Variants in SEC14L2 observed in about 807,000 individuals in gnomAD.
SEC14L2 encodes the protein SEC14-like protein 2.
Under a neutral mutation model 56.9 loss-of-function variants are expected in SEC14L2, and 50 were observed. The observed-to-expected ratio is 0.88, with a 90% CI of 0.70 to 1.11. The LOEUF (loss-of-function observed/expected upper bound fraction) is 1.11. Ranked by LOEUF, SEC14L2 falls within the 50% of genes most tolerant of loss-of-function variation. SEC14L2 has a pLI of 0.00. For missense variants in SEC14L2, 414 were observed against 500.7 expected (o/e 0.83, Z 1.65); for synonymous variants, 179 against 188.5 (o/e 0.95, Z 0.41).
At chr22:30,398,648 C>G (rs1252447880) in intron 1 of SEC14L2, 2 of 465,368 alleles carry the variant, frequency 4.3e-6, no homozygotes, top group Admixed American at 4.7e-5. Context: ...GCCCACCTCT[C>G]TCCCCCGCTG....
chr22:30,399,408 G>A (rs760687345), intron 1 of SEC14L2, among the ~76,000 whole-genome samples: 12 of 150,848 alleles, frequency 8.0e-5, no homozygotes, highest in Non-Finnish European at 1.5e-4. Flanking sequence ...CCAGCTACTT[G>A]GGAGGCTGAG....
At chr22:30,409,342 C>T in intron 6 of SEC14L2, 60 bp downstream of exon 6, 1 of 1,602,472 alleles carries the variant, frequency 6.2e-7, no homozygotes, top group African/African-American at 1.3e-5. Flanking sequence ...GTAGACCCCT[C>T]TCCTAGGCTG....
chr22:30,411,483 T>C (rs948531433), intron 8 of SEC14L2, among the ~76,000 whole-genome samples: 1 of 152,012 alleles, frequency 6.6e-6, no homozygotes, highest in African/African-American at 2.4e-5. Context: ...CGGTGGCTCA[T>C]GCCTGTAATC....
chr22:30,410,645 T>C lies in SEC14L2; in HGVS notation c.630T>C (p.Ser210=), dbSNP rs1214993019. Residue 210 remains serine (S), a synonymous_variant, in exon 8 of 12, where the codon AGT becomes AGC. Transcript: ENST00000615189. ...VAYNLIKPFL[S]EDTRKKIMVL... Reference sequence around the variant, plus strand: ...ATAACCTCATCAAACCCTTCCTGAGTGAGGACACTCGTAAGAAGATCATGG... The same window carrying C: ...ATAACCTCATCAAACCCTTCCTGAGCGAGGACACTCGTAAGAAGATCATGG... 1.9e-6 allele frequency: 3 copies of C among 1,614,056 alleles called. No individual in the cohort carries two copies. Among genetic ancestry groups the C allele is most frequent in the East Asian group, 4.5e-5 (2 of 44,894 alleles).
At chr22:30,412,837 AAACAAAAAAAC>A (rs1934287225) in intron 8 of SEC14L2, among the ~76,000 whole-genome samples, 5 of 129,906 alleles carry the variant, frequency 3.8e-5, no homozygotes, top group African/African-American at 1.2e-4. Flanking sequence ...AAAAAAAAAC[AAACAAAAAAAC>A]AAAAAAAAAA....
intron 2 of SEC14L2, among the ~76,000 whole-genome samples, chr22:30,403,991 C>A (rs1601773019): frequency 9.0e-6 from 1 of 110,856 alleles, no homozygotes; most frequent in East Asian, 2.8e-4. Context: ...GCCTGGGCGA[C>A]AGAGCGAGAC....
In SEC14L2 at chr22:30,415,959, G is replaced by A. The variant is rs773889036; in HGVS notation, c.783G>A (p.Gly261=). ...NPKCKSKINY[G]GDIPRKYYVR... is the part of the protein sequence containing the mutation. ...TGCCATGCTTCTAGATCAACTACGGGGGTGACATCCCCAGGAAGTATTATG... is the reference window on the plus strand; with the variant it reads ...TGCCATGCTTCTAGATCAACTACGGAGGTGACATCCCCAGGAAGTATTATG... Residue 261 remains glycine (G), a synonymous_variant, in exon 10 of 12, where the codon GGG becomes GGA. Coordinates refer to ENST00000615189, the MANE Select transcript of SEC14L2 (RefSeq NM_012429.5). 1 of 1,614,050 alleles carries A rather than the reference G, an allele frequency of 6.2e-7. No individual in the cohort carries two copies. The highest frequency in any genetic ancestry group is 1.3e-5 in the African/African-American group (1 of 74,914).
At position 30,416,770 on chromosome 22, in the gene SEC14L2, T is replaced by C. The variant is rs1416318041; in HGVS notation, c.1081+367T>C. 2.4e-6 allele frequency: 3 copies of C among 1,257,888 alleles called. No individual in the cohort carries two copies. The African/African-American group carries it at 4.5e-5, about 19-fold the overall frequency. The allele number at this position is 1,257,888 out of a possible 1,614,324, so 77.9% of individuals were successfully genotyped here. A position where few individuals can be genotyped will look rare whatever the true frequency, so the allele number is the denominator to read the frequency against. On this transcript the variant is annotated intron_variant, in intron 11 of 11. Transcript: ENST00000615189. ...GGTCACAGAGACAGAACTGGCTGGG[T>C]GGGCATGGGATCACAAGGTAAGCAG...
Position 30,422,320 on chromosome 22 carries a change from G to A in SEC14L2, c.1125G>A (p.Lys375=). The change falls in exon 12 of 12, where the codon AAG becomes AAA. Residue 375 remains lysine, a synonymous_variant. Transcript: ENST00000615189. The part of the protein sequence containing the change: ...FDNTYSFIHA[K]KVNFTVEVLL... Reference sequence around the variant, plus strand: ...ACACCTACAGCTTCATTCATGCCAAGAAGGTCAATTTCACTGTGGAGGTCC... The same window carrying A: ...ACACCTACAGCTTCATTCATGCCAAAAAGGTCAATTTCACTGTGGAGGTCC... 6.2e-7 allele frequency: 1 copy of A among 1,614,190 alleles called. No individual in the cohort carries two copies. Among genetic ancestry groups the A allele is most frequent in the Non-Finnish European group, 8.5e-7 (1 of 1,180,030 alleles).
chr22:30,419,229 T>C (rs1002075277), intron 11 of SEC14L2, among the ~76,000 whole-genome samples: 4 of 152,152 alleles, frequency 2.6e-5, no homozygotes, highest in Admixed American at 1.3e-4. Flanking sequence ...AGTGTCTCTA[T>C]TAGGTTTGGT....
At chr22:30,414,754 T>C (rs1934341827) in intron 8 of SEC14L2, among the ~76,000 whole-genome samples, 1 of 151,006 alleles carries the variant, frequency 6.6e-6, no homozygotes, top group South Asian at 2.1e-4. Context: ...AGGAAGGAGC[T>C]TGGGTATTTT....
chr22:30,423,509 G>A lies in SEC14L2; in HGVS notation c.*1102G>A, dbSNP rs1934578615. 1.3e-5 allele frequency: 2 copies of A among 152,528 alleles called. No homozygotes were observed. The highest frequency in any genetic ancestry group is 1.3e-4 in the Admixed American group (2 of 15,314). The allele number at this position is 152,528 out of a possible 1,614,324, so 9.4% of individuals were successfully genotyped here. On this transcript the variant is annotated 3_prime_UTR_variant, in exon 12 of 12. Transcript: ENST00000615189. ...GCGGGGCCGGCGTCTCGCAGACTAGGGGCTGGGGGCGGCCACAGACGGCCT... is the reference window on the plus strand; with the variant it reads ...GCGGGGCCGGCGTCTCGCAGACTAGAGGCTGGGGGCGGCCACAGACGGCCT...
chr22:30,415,171 C>T (rs1276737000), intron 8 of SEC14L2, among the ~76,000 whole-genome samples: 1 of 152,166 alleles, frequency 6.6e-6, no homozygotes, highest in Non-Finnish European at 1.5e-5. Flanking sequence ...GTGGCTCATG[C>T]CTGTAATCCC....
intron 11 of SEC14L2, among the ~76,000 whole-genome samples, chr22:30,419,844 T>C (rs796554028): frequency 4.6e-5 from 7 of 152,252 alleles, no homozygotes; most frequent in African/African-American, 1.4e-4. Context: ...TTTCAATACA[T>C]GAATGAGAGG....
At chr22:30,415,301 C>T (rs1338693362) in intron 8 of SEC14L2, among the ~76,000 whole-genome samples, 1 of 152,044 alleles carries the variant, frequency 6.6e-6, no homozygotes, top group African/African-American at 2.4e-5. Context: ...GGTGTGGTGT[C>T]GGGCGCCTGT....
chr22:30,408,460 G>C (rs1432293007), intron 5 of SEC14L2, among the ~76,000 whole-genome samples: 1 of 151,960 alleles, frequency 6.6e-6, no homozygotes, highest in Non-Finnish European at 1.5e-5. Flanking sequence ...TGTGCATAGT[G>C]GCATATACCA....
Position 30,397,290 on chromosome 22 carries a change from A to G in SEC14L2, c.54+120A>G, listed in dbSNP as rs1052389343. 2.5e-4 allele frequency: 236 copies of G among 933,128 alleles called. 1 individual carries two copies. The highest frequency in any genetic ancestry group is 3.4e-4 in the Middle Eastern group (1 of 2,928). 57.8% of individuals were successfully genotyped at this position (933,128 alleles called of 1,614,324 possible). A position where few individuals can be genotyped will look rare whatever the true frequency, so the allele number is the denominator to read the frequency against. On this transcript the variant is annotated intron_variant, in intron 1 of 11. Coordinates refer to ENST00000615189, the MANE Select transcript of SEC14L2 (RefSeq NM_012429.5). ...GTCCGTGGCGGGCGGCGGAGGGAAC[A>G]GAGGCGGCTGTCCCAGCCTGGCCCG...
At chr22:30,421,555 A>C (rs1934518996) in intron 11 of SEC14L2, 1 of 152,224 alleles carries the variant, frequency 6.6e-6, no homozygotes, top group Non-Finnish European at 1.5e-5. Flanking sequence ...TGAACATTTG[A>C]GTTTTCCCAA....
chr22:30,415,702 G>C, intron 8 of SEC14L2, 57 bp from the exon 9 acceptor site: 1 of 1,496,966 alleles, frequency 6.7e-7, no homozygotes, highest in Non-Finnish European at 9.3e-7. Context: ...TAGGGTTATG[G>C]CGAAATCTTA....
Sources: allele counts gnomAD v4.1 joint callset (sites outside exome capture counted in the v4.1 genomes callset), GRCh38; gene constraint gnomAD v4.1.1; transcripts MANE v1.5; gene names NCBI Gene and HGNC (gene_info 2026-07-23, HGNC 2026-07-21).